The following TDRD3 variants were observed in gnomAD, a reference collection of about 807,000 sequenced individuals.
TDRD3 encodes the protein tudor domain containing 3, also known as tudor domain-containing protein 3.
In TDRD3, 45 loss-of-function variants were observed where a neutral mutation model predicts 86.7. The observed-to-expected ratio is 0.52, with a 90% confidence interval of 0.41 to 0.67. The LOEUF (loss-of-function observed/expected upper bound fraction) is 0.67. Among genes scored for constraint, TDRD3 ranks in the 30% least tolerant of loss-of-function variants. The pLI is 0.00. For synonymous variants in TDRD3, 298 were observed against 301.7 expected, an observed-to-expected ratio of 0.99 and a Z score of 0.13; for missense variants, 814 against 889.0, an observed-to-expected ratio of 0.92 and a Z score of 1.07.
At chr13:60,438,530 AC>A (rs1018133882) in intron 1 of TDRD3, among the ~76,000 whole-genome samples, 1 of 152,020 alleles carries the variant, frequency 6.6e-6, no homozygotes, top group Admixed American at 6.5e-5. Context: ...TATTTTTCTG[AC>A]TTTTATCGCC....
intron 1 of TDRD3, among the ~76,000 whole-genome samples, chr13:60,418,156 C>G (rs1384467816): frequency 6.6e-6 from 1 of 152,106 alleles, no homozygotes; most frequent in East Asian, 1.9e-4. Context: ...TCCTACCTCT[C>G]CAGCAGTTTA....
chr13:60,459,680 G>T (rs1955764132), intron 3 of TDRD3, among the ~76,000 whole-genome samples: 1 of 152,204 alleles, frequency 6.6e-6, no homozygotes, highest in South Asian at 2.1e-4. Context: ...CAGTGCAATG[G>T]CTTGATCTCG....
intron 5 of TDRD3, among the ~76,000 whole-genome samples, chr13:60,471,905 T>C (rs1956082547): frequency 6.6e-6 from 1 of 152,186 alleles, no homozygotes; most frequent in South Asian, 2.1e-4. Flanking sequence ...TTTAATATAG[T>C]GTTGAATGGA....
At chr13:60,572,470 T>C (rs1180476191) in intron 13 of TDRD3, among the ~76,000 whole-genome samples, 1 of 152,212 alleles carries the variant, frequency 6.6e-6, no homozygotes. Context: ...AAGAAGCTAT[T>C]GCACTGGTCC....
At chr13:60,467,672 C>T (rs983895314) in intron 5 of TDRD3, among the ~76,000 whole-genome samples, 1 of 152,074 alleles carries the variant, frequency 6.6e-6, no homozygotes, top group Non-Finnish European at 1.5e-5. Flanking sequence ...GTGTATAATT[C>T]TTTCTGCAAA....
At chr13:60,538,936 C>T (rs763156061) in intron 12 of TDRD3, among the ~76,000 whole-genome samples, 1 of 152,140 alleles carries the variant, frequency 6.6e-6, no homozygotes, top group Non-Finnish European at 1.5e-5. Flanking sequence ...AAGTGTTTTA[C>T]AGTGTGCTAA....
At chr13:60,491,456 C>A (rs750618445) in intron 7 of TDRD3, among the ~76,000 whole-genome samples, 3 of 152,036 alleles carry the variant, frequency 2.0e-5, no homozygotes, top group Non-Finnish European at 4.4e-5. Flanking sequence ...AATAATGAAC[C>A]CTGTAACACT....
chr13:60,527,801 T>C (rs933917128), intron 10 of TDRD3, among the ~76,000 whole-genome samples: 6 of 151,526 alleles, frequency 4.0e-5, no homozygotes, highest in Non-Finnish European at 1.5e-5. Flanking sequence ...AATTAACCCT[T>C]TTGTATAGTA....
intron 1 of TDRD3, among the ~76,000 whole-genome samples, chr13:60,434,270 G>A (rs931624883): frequency 3.9e-5 from 6 of 152,024 alleles, no homozygotes; most frequent in Non-Finnish European, 7.4e-5. Context: ...AGGAGTTGGA[G>A]ACCAGCCTCT....
At chr13:60,479,077 G>T (rs1229110143) in intron 5 of TDRD3, among the ~76,000 whole-genome samples, 3 of 152,088 alleles carry the variant, frequency 2.0e-5, no homozygotes, top group Non-Finnish European at 4.4e-5. Context: ...AAAGAGCTGG[G>T]ATTAGAGGCA....
intron 3 of TDRD3, among the ~76,000 whole-genome samples, chr13:60,458,034 G>A (rs1030310249): frequency 1.1e-4 from 16 of 152,096 alleles, no homozygotes; most frequent in Non-Finnish European, 2.4e-4. Context: ...TTGTCTTTTG[G>A]TGGAGCCACT....
intron 1 of TDRD3, among the ~76,000 whole-genome samples, chr13:60,421,824 A>G (rs57214371): frequency 0.2 from 29,702 of 152,228 alleles, 3,601 homozygotes; most frequent in South Asian, 0.29. Flanking sequence ...AAAAAACTAC[A>G]GAAAAGCAGA....
intron 13 of TDRD3, among the ~76,000 whole-genome samples, chr13:60,570,101 G>A (rs2138009138): frequency 6.6e-6 from 1 of 152,150 alleles, no homozygotes; most frequent in Non-Finnish European, 1.5e-5. Context: ...ACATAGCAAA[G>A]GAAACAGTCA....
chr13:60,519,749 G>A (rs960106099), intron 10 of TDRD3, among the ~76,000 whole-genome samples: 3 of 152,154 alleles, frequency 2.0e-5, no homozygotes. Flanking sequence ...GTGTGACCTT[G>A]TCAAGCCTCT....
At chr13:60,509,272 T>C (rs1055581245) in intron 8 of TDRD3, among the ~76,000 whole-genome samples, 2 of 152,064 alleles carry the variant, frequency 1.3e-5, no homozygotes, top group Non-Finnish European at 2.9e-5. Context: ...ATAGATAGTA[T>C]TGCTAATGAA....
chr13:60,504,614 C>T (rs1956896842), intron 8 of TDRD3, among the ~76,000 whole-genome samples: 1 of 152,174 alleles, frequency 6.6e-6, no homozygotes, highest in South Asian at 2.1e-4. Context: ...TTTTATCTTT[C>T]CTTAAAAAAA....
At chr13:60,546,242 AG>A (rs577113021) in intron 12 of TDRD3, among the ~76,000 whole-genome samples, 276 of 152,280 alleles carry the variant, frequency 1.8e-3, no homozygotes, top group South Asian at 0.011. Context: ...TATTACAAAA[AG>A]ATCTAGAAAT....
intron 10 of TDRD3, among the ~76,000 whole-genome samples, chr13:60,519,232 A>G (rs1026773526): frequency 2.6e-5 from 4 of 152,122 alleles, no homozygotes; most frequent in Non-Finnish European, 5.9e-5. Context: ...TGTGTCATTT[A>G]TTGAGCATCT....
At chr13:60,417,988 C>G (rs1954566151) in intron 1 of TDRD3, among the ~76,000 whole-genome samples, 1 of 152,130 alleles carries the variant, frequency 6.6e-6, no homozygotes, top group East Asian at 1.9e-4. Flanking sequence ...CCTGATTGGT[C>G]TTCTTGCTTA....
Sources: allele counts gnomAD v4.1 joint callset (sites outside exome capture counted in the v4.1 genomes callset), GRCh38; gene constraint gnomAD v4.1.1; transcripts MANE v1.5; gene names NCBI Gene and HGNC (gene_info 2026-07-23, HGNC 2026-07-21).